Variants in CHORDC1 observed in about 807,000 individuals in gnomAD.
CHORDC1 encodes the protein cysteine and histidine-rich domain-containing protein 1.
Under a neutral mutation model 48.3 loss-of-function variants are expected in CHORDC1, and 25 were observed. The ratio of observed to expected loss-of-function variants is 0.52; its 90% CI spans 0.38 to 0.72. The LOEUF (loss-of-function observed/expected upper bound fraction) is 0.72. Ranked by LOEUF, CHORDC1 falls within the 30% of genes least tolerant of loss-of-function variation. CHORDC1 has a pLI of 0.00. For synonymous variants in CHORDC1, 128 were observed against 126.4 expected (o/e 1.01, Z -0.09); for missense variants, 317 against 388.7 (o/e 0.82, Z 1.55).
rs1312493887 is a variant in CHORDC1, at chr11:90,223,030, C to T, written c.-76G>A. The stretch of plus-strand genomic sequence containing the variant: ...GGATGCGTTTGCCACTCCCGTGTCG[C>T]TAGCACCGGTCTGACGACTGAGGCG... On this transcript the variant is annotated 5_prime_UTR_variant, in exon 1 of 11. Coordinates refer to ENST00000320585, the MANE Select transcript of CHORDC1 (RefSeq NM_012124.3). 5 of 1,303,192 alleles carry T rather than the reference C, an allele frequency of 3.8e-6. No homozygotes were observed. The East Asian group carries it at 9.4e-5, about 24-fold the overall frequency. The allele number at this position is 1,303,192 out of a possible 1,614,324, so 80.7% of individuals were successfully genotyped here. A position where few individuals can be genotyped will look rare whatever the true frequency, so the allele number is the denominator to read the frequency against.
intron 8 of CHORDC1, among the ~76,000 whole-genome samples, chr11:90,204,581 C>T (rs1240167119): frequency 1.3e-5 from 2 of 152,000 alleles, no homozygotes; most frequent in Admixed American, 1.3e-4. Flanking sequence ...ATTAGCTGGG[C>T]GTGGTGGTAC....
At chr11:90,206,686 T>G in intron 6 of CHORDC1, 1 of 747,238 alleles carries the variant, frequency 1.3e-6, no homozygotes, top group Non-Finnish European at 2.0e-6. Context: ...AATAAGCAAT[T>G]CTGGAAGTTC....
intron 6 of CHORDC1, chr11:90,206,825 A>C: frequency 1.6e-6 from 2 of 1,256,018 alleles, no homozygotes; most frequent in Non-Finnish European, 2.1e-6. Context: ...AGATGAATTC[A>C]CAAAAAATTA....
intron 4 of CHORDC1, chr11:90,212,463 G>A (rs1236289622): frequency 6.6e-6 from 1 of 151,976 alleles, no homozygotes; most frequent in East Asian, 1.9e-4. Context: ...CTGTGAAAAT[G>A]GACTAATACA....
intron 4 of CHORDC1, chr11:90,211,914 T>C (rs940717101): frequency 6.6e-6 from 1 of 152,196 alleles, no homozygotes; most frequent in African/African-American, 2.4e-5. Flanking sequence ...ATTAAACATA[T>C]TAATAAACAC....
At chr11:90,222,844 G>T in intron 1 of CHORDC1, 47 bp downstream of exon 1, 2 of 1,544,468 alleles carry the variant, frequency 1.3e-6, no homozygotes, top group Non-Finnish European at 1.8e-6. Flanking sequence ...GGCCTCCCCT[G>T]CTGATGAGGT....
chr11:90,206,782 G>A lies in CHORDC1; in HGVS notation c.493-510C>T, dbSNP rs1002706875. 9 of 1,287,980 alleles carry A rather than the reference G, an allele frequency of 7.0e-6. No individual in the cohort carries two copies. The African/African-American group carries it at 7.6e-5, about 11-fold the overall frequency. The allele number at this position is 1,287,980 out of a possible 1,614,324, so 79.8% of individuals were successfully genotyped here. A position where few individuals can be genotyped will look rare whatever the true frequency, so the allele number is the denominator to read the frequency against. ...TATCCAGGGTTTGTCTGGAAGATCC[G>A]GGCCCCATTGCTGCTGTAGATGGAG... On this transcript the variant is annotated intron_variant, in intron 6 of 10. Transcript: ENST00000320585.
At chr11:90,209,737 C>T (rs1370727096) in intron 6 of CHORDC1, among the ~76,000 whole-genome samples, 1 of 152,174 alleles carries the variant, frequency 6.6e-6, no homozygotes, top group Non-Finnish European at 1.5e-5. Context: ...CACTTCTCAA[C>T]AAACTACTCT....
At chr11:90,220,073 T>C (rs1199260351) in intron 1 of CHORDC1, among the ~76,000 whole-genome samples, 1 of 152,216 alleles carries the variant, frequency 6.6e-6, no homozygotes, top group African/African-American at 2.4e-5. Context: ...CAGCTATCAT[T>C]AGTGTTAGTG....
chr11:90,204,198 A>G (rs1026772395), intron 8 of CHORDC1, among the ~76,000 whole-genome samples: 14 of 152,174 alleles, frequency 9.2e-5, no homozygotes, highest in African/African-American at 2.9e-4. Flanking sequence ...TTAATACTTG[A>G]TAACTGCATA....
At position 90,201,704 on chromosome 11, in the gene CHORDC1, A is replaced by T. The variant is rs1177864655; in HGVS notation, c.*701T>A. Reference sequence around the variant, plus strand: ...TAAATATTCAGGAAAGAGGTTGTTAAGATTATTGCTTAGTCTTATAAAATG... The same window carrying T: ...TAAATATTCAGGAAAGAGGTTGTTATGATTATTGCTTAGTCTTATAAAATG... On this transcript the variant is annotated 3_prime_UTR_variant, in exon 11 of 11. Transcript: ENST00000320585. 1 of 152,444 alleles carries T rather than the reference A, an allele frequency of 6.6e-6. No homozygotes were observed. Among genetic ancestry groups the T allele is most frequent in the Non-Finnish European group, 1.5e-5 (1 of 67,896 alleles). The allele number at this position is 152,444 out of a possible 1,614,324, so 9.4% of individuals were successfully genotyped here.
rs1337018111 is a variant in CHORDC1, at chr11:90,221,433, C to T, written c.64+1458G>A. Among the ~76,000 whole-genome samples the T allele has an allele frequency of 5.3e-5, 8 of 152,276 alleles. No individual in the cohort carries two copies. In the South Asian group the frequency reaches 1.5e-3, roughly 28 times the overall value. On this transcript the variant is annotated intron_variant, in intron 1 of 10. Coordinates refer to ENST00000320585, the MANE Select transcript of CHORDC1 (RefSeq NM_012124.3). ...ACTGCTGACCACCCAAGTTTTGAGA[C>T]GGTTTTCCTGGTCGCTTTCTGTTTC...
intron 10 of CHORDC1, 121 bp from the exon 11 acceptor site, chr11:90,202,672 C>G: frequency 2.2e-6 from 3 of 1,387,350 alleles, no homozygotes; most frequent in Non-Finnish European, 9.8e-7. Context: ...TCTTTTATAT[C>G]TAGTCTTAAA....
At chr11:90,207,895 A>G (rs1250013749) in intron 6 of CHORDC1, 1 of 151,984 alleles carries the variant, frequency 6.6e-6, no homozygotes, top group Non-Finnish European at 1.5e-5. Flanking sequence ...ATGTGGAAGT[A>G]TCTGTTAATG....
At chr11:90,215,642 A>G (rs1317296861) in intron 2 of CHORDC1, among the ~76,000 whole-genome samples, 7 of 135,118 alleles carry the variant, frequency 5.2e-5, no homozygotes, top group African/African-American at 1.8e-4. Context: ...TCTTTAGTTA[A>G]TTTTAATTTC....
chr11:90,217,320 C>A (rs1409754129), intron 2 of CHORDC1, among the ~76,000 whole-genome samples: 1 of 152,006 alleles, frequency 6.6e-6, no homozygotes, highest in Non-Finnish European at 1.5e-5. Flanking sequence ...CCATGGCAGC[C>A]CTACCACAGC....
intron 4 of CHORDC1, 42 bp downstream of exon 4, chr11:90,213,976 C>T (rs1264743721): frequency 5.3e-6 from 8 of 1,497,148 alleles, no homozygotes; most frequent in Admixed American, 1.9e-5. Flanking sequence ...ACAAGTGCTA[C>T]TATTCAAGTG....
intron 6 of CHORDC1, chr11:90,207,779 C>CAAAAAAAAA: frequency 1.1e-5 from 1 of 91,304 alleles, no homozygotes; most frequent in Admixed American, 1.3e-4. Flanking sequence ...AAAAAAAAAA[C>CAAAAAAAAA]AAAAAAAACT....
At chr11:90,217,080 T>C (rs912622532) in intron 2 of CHORDC1, among the ~76,000 whole-genome samples, 7 of 152,180 alleles carry the variant, frequency 4.6e-5, no homozygotes, top group South Asian at 2.1e-4. Flanking sequence ...AAAAAATGTA[T>C]GGAGGAATAA....
Sources: gnomAD v4.1 joint callset for allele counts (sites outside exome capture counted in the v4.1 genomes callset) on GRCh38, gnomAD v4.1.1 for gene constraint, MANE v1.5 for transcripts, NCBI Gene and HGNC (gene_info 2026-07-23, HGNC 2026-07-21) for gene names.